The following KLHL29 variants were observed in gnomAD, a reference collection of about 807,000 sequenced individuals.
KLHL29 encodes the protein kelch-like protein 29.
KLHL29 carries 21 observed loss-of-function variants against 80.4 expected under a neutral mutation model. The observed-to-expected ratio is 0.26, with a 90% CI of 0.19 to 0.38. The LOEUF (loss-of-function observed/expected upper bound fraction) is 0.38, where lower values mean the gene tolerates loss of function less well. Ranked by LOEUF, KLHL29 falls within the 10% of genes least tolerant of loss-of-function variation. The probability of loss-of-function intolerance (pLI) is 1.00; values close to 1 mark genes in which losing one functional copy is unlikely to be tolerated. For missense variants in KLHL29, 867 were observed against 1,223.9 expected (o/e 0.71, Z 4.35); for synonymous variants, 511 against 526.8 (o/e 0.97, Z 0.41).
chr2:23,639,502 G>A (rs1447337606), intron 4 of KLHL29, among the ~76,000 whole-genome samples: 2 of 152,304 alleles, frequency 1.3e-5, no homozygotes, highest in East Asian at 3.9e-4. Context: ...AGAGCAAAAG[G>A]AGTGAGAATG....
intron 1 of KLHL29, among the ~76,000 whole-genome samples, chr2:23,454,744 G>GT (rs1274926048): frequency 6.6e-6 from 1 of 151,514 alleles, no homozygotes; most frequent in South Asian, 2.1e-4. Context: ...CTGTTCTTGC[G>GT]TTTTTTTCTG....
At chr2:23,438,441 G>A (rs1449977229) in intron 1 of KLHL29, among the ~76,000 whole-genome samples, 1 of 128,848 alleles carries the variant, frequency 7.8e-6, no homozygotes, top group Admixed American at 7.6e-5. Context: ...GATATCGGCT[G>A]TGGGTTTGTC....
At chr2:23,390,646 TTTAC>T (rs1421463848) in intron 1 of KLHL29, among the ~76,000 whole-genome samples, 1 of 128,780 alleles carries the variant, frequency 7.8e-6, no homozygotes, top group Non-Finnish European at 1.6e-5. Context: ...ATTTACCATC[TTTAC>T]TTTTTTTTTT....
At chr2:23,595,871 G>A (rs762849970) in intron 3 of KLHL29, among the ~76,000 whole-genome samples, 3 of 152,156 alleles carry the variant, frequency 2.0e-5, no homozygotes, top group African/African-American at 7.2e-5. Flanking sequence ...AGCTCCCCAC[G>A]CAAGCAGCAT....
At chr2:23,670,953 T>A (rs1392743032) in intron 5 of KLHL29, among the ~76,000 whole-genome samples, 1 of 18,942 alleles carries the variant, frequency 5.3e-5, no homozygotes, top group African/African-American at 1.3e-4. Context: ...TCTCTCTCTC[T>A]CTCTCTCTCT....
chr2:23,413,659 G>GA (rs1175311116), intron 1 of KLHL29, among the ~76,000 whole-genome samples: 1 of 152,222 alleles, frequency 6.6e-6, no homozygotes, highest in Admixed American at 6.5e-5. Flanking sequence ...TGACTTCATG[G>GA]AAAAAACCAC....
intron 2 of KLHL29, among the ~76,000 whole-genome samples, chr2:23,479,599 C>T (rs1025197750): frequency 6.6e-6 from 1 of 152,170 alleles, no homozygotes; most frequent in Admixed American, 6.5e-5. Flanking sequence ...TCCCAGATGG[C>T]ACCTCTGTCC....
At chr2:23,566,895 T>C (rs987394742) in intron 3 of KLHL29, among the ~76,000 whole-genome samples, 2 of 152,238 alleles carry the variant, frequency 1.3e-5, no homozygotes, top group African/African-American at 4.8e-5. Context: ...CAGTTATTCA[T>C]ACATTTGCGG....
chr2:23,659,520 G>A lies in KLHL29; in HGVS notation c.940+16670G>A, dbSNP rs543134940. Among the ~76,000 whole-genome samples the A allele has an allele frequency of 1.2e-4, 18 of 152,270 alleles. No individual in the cohort carries two copies. In the East Asian group the frequency reaches 2.9e-3, roughly 25 times the overall value. ...ACTTCCATTCTCAGCGCCGAGTCCCGGATCTGGCTATGTGAGTGCTTGGCA... is the reference window on the plus strand; with the variant it reads ...ACTTCCATTCTCAGCGCCGAGTCCCAGATCTGGCTATGTGAGTGCTTGGCA... On this transcript the variant is annotated intron_variant, in intron 5 of 13. Coordinates refer to ENST00000486442, the MANE Select transcript of KLHL29 (RefSeq NM_052920.2).
At chr2:23,508,441 A>T (rs1665669355) in intron 2 of KLHL29, among the ~76,000 whole-genome samples, 1 of 152,232 alleles carries the variant, frequency 6.6e-6, no homozygotes. Context: ...GCTCAGGGCC[A>T]TGAGGAGGGG....
intron 2 of KLHL29, among the ~76,000 whole-genome samples, chr2:23,532,420 G>C (rs1163129244): frequency 6.6e-6 from 1 of 152,208 alleles, no homozygotes; most frequent in Non-Finnish European, 1.5e-5. Flanking sequence ...GTGGGAGCTG[G>C]TGAAGGGAAT....
intron 2 of KLHL29, among the ~76,000 whole-genome samples, chr2:23,516,279 C>T (rs1251684341): frequency 6.6e-6 from 1 of 152,270 alleles, no homozygotes; most frequent in Admixed American, 6.5e-5. Flanking sequence ...AAGGGCTGAC[C>T]AGGAGCAACT....
chr2:23,637,336 AAAAACCATGCTATT>A (rs1669642152), intron 3 of KLHL29, among the ~76,000 whole-genome samples: 2 of 152,146 alleles, frequency 1.3e-5, no homozygotes, highest in African/African-American at 2.4e-5. Flanking sequence ...AGAATGCTGG[AAAAACCATGCTATT>A]GTTCCCTAAG....
chr2:23,500,067 G>A (rs991632730), intron 2 of KLHL29, among the ~76,000 whole-genome samples: 8 of 152,122 alleles, frequency 5.3e-5, no homozygotes, highest in African/African-American at 1.9e-4. Flanking sequence ...TGTGCTGTCC[G>A]CCAGCAAGAT....
At position 23,562,002 on chromosome 2, in the gene KLHL29, GAT is replaced by G; in HGVS notation, c.-45-149_-45-148del. On this transcript the variant is annotated intron_variant, in intron 2 of 13. Transcript: ENST00000486442. The surrounding 1 kb of genome is among the most constrained non-coding windows in gnomAD (Gnocchi z 4.5). ...TGTCTGTGAAGTGGGGCTAATTAAT[GAT>G]CCATGCTTTGTGGGCTAGCGTGACT... is the stretch of plus-strand genomic sequence containing the variant. The G allele has an allele frequency of 1.6e-6, 1 of 634,398 alleles. No homozygotes were observed. The highest frequency in any genetic ancestry group is 2.7e-6 in the Non-Finnish European group (1 of 369,362). 39.3% of individuals were successfully genotyped at this position (634,398 alleles called of 1,614,324 possible). A position where few individuals can be genotyped will look rare whatever the true frequency, so the allele number is the denominator to read the frequency against.
intron 1 of KLHL29, among the ~76,000 whole-genome samples, chr2:23,471,845 C>T (rs966314925): frequency 6.6e-6 from 1 of 152,114 alleles, no homozygotes; most frequent in Non-Finnish European, 1.5e-5. Flanking sequence ...GATTCATTTT[C>T]CCAGGCCATG....
chr2:23,646,552 T>A (rs2149161293), intron 5 of KLHL29, among the ~76,000 whole-genome samples: 1 of 152,328 alleles, frequency 6.6e-6, no homozygotes, highest in African/African-American at 2.4e-5. Context: ...CTCTTCGGAC[T>A]TCATATTTTG....
intron 3 of KLHL29, among the ~76,000 whole-genome samples, chr2:23,606,324 T>C (rs931467277): frequency 1.3e-5 from 2 of 152,066 alleles, no homozygotes; most frequent in Non-Finnish European, 2.9e-5. Context: ...AAGGTCCTCC[T>C]CCCAGCCGCT....
At chr2:23,443,731 A>G (rs1022028251) in intron 1 of KLHL29, among the ~76,000 whole-genome samples, 13 of 152,260 alleles carry the variant, frequency 8.5e-5, no homozygotes, top group African/African-American at 3.1e-4. Context: ...CATCACTTCC[A>G]GCACATAATG....
Sources: gnomAD v4.1 joint callset for allele counts (sites outside exome capture counted in the v4.1 genomes callset) on GRCh38, gnomAD v4.1.1 for gene constraint, Gnocchi (gnomAD v3.1) non-coding constraint, MANE v1.5 for transcripts, NCBI Gene and HGNC (gene_info 2026-07-23, HGNC 2026-07-21) for gene names.